The following TNIK variants were observed in gnomAD, a reference collection of about 807,000 sequenced individuals.
TNIK encodes TRAF2 and NCK interacting kinase, also known as TRAF2 and NCK-interacting protein kinase.
A neutral mutation model predicts 191.3 loss-of-function variants in TNIK; 49 were observed. The ratio of observed to expected loss-of-function variants is 0.26; its 90% CI spans 0.20 to 0.32. The LOEUF (loss-of-function observed/expected upper bound fraction) is 0.32, where lower values mean the gene tolerates loss of function less well. Ranked by LOEUF, TNIK falls within the 10% of genes least tolerant of loss-of-function variation. The probability of loss-of-function intolerance (pLI) is 1.00; values close to 1 mark genes in which losing one functional copy is unlikely to be tolerated. For synonymous variants in TNIK, 594 were observed against 600.9 expected (o/e 0.99, Z 0.17); for missense variants, 1,155 against 1,702.3 (o/e 0.68, Z 5.66).
intron 6 of TNIK, 101 bp from the exon 7 acceptor site, chr3:171,188,933 T>C: frequency 1.4e-6 from 2 of 1,414,800 alleles, no homozygotes; most frequent in Non-Finnish European, 1.9e-6. Flanking sequence ...ATAAGTAACA[T>C]AAAGTGTACA....
chr3:171,301,888 A>G (rs1051636530), intron 2 of TNIK, among the ~76,000 whole-genome samples: 1 of 152,204 alleles, frequency 6.6e-6, no homozygotes, highest in Non-Finnish European at 1.5e-5. Context: ...GCTGAAGTAC[A>G]TTGGGGTGAA....
intron 22 of TNIK, among the ~76,000 whole-genome samples, chr3:171,099,067 C>A (rs1352114370): frequency 6.6e-6 from 1 of 152,148 alleles, no homozygotes; most frequent in Non-Finnish European, 1.5e-5. Flanking sequence ...CATCAGCATT[C>A]CATGATAGCC....
At chr3:171,359,119 CTG>C (rs1352615557) in intron 2 of TNIK, among the ~76,000 whole-genome samples, 1 of 152,114 alleles carries the variant, frequency 6.6e-6, no homozygotes, top group African/African-American at 2.4e-5. Context: ...GGGGTAATTA[CTG>C]TATGTACGTT....
At chr3:171,107,341 C>A in intron 20 of TNIK, 135 bp from the exon 21 acceptor site, 4 of 745,098 alleles carry the variant, frequency 5.4e-6, no homozygotes, top group Non-Finnish European at 6.5e-6. Context: ...GAATGTCAAT[C>A]CAGAATGATG....
intron 3 of TNIK, among the ~76,000 whole-genome samples, chr3:171,213,876 C>T (rs1381672668): frequency 6.6e-6 from 1 of 151,956 alleles, no homozygotes; most frequent in Non-Finnish European, 1.5e-5. Flanking sequence ...TATTATAAGT[C>T]CCAGCATTTT....
intron 2 of TNIK, among the ~76,000 whole-genome samples, chr3:171,234,780 T>C: frequency 6.6e-6 from 1 of 152,206 alleles, no homozygotes; most frequent in Non-Finnish European, 1.5e-5. Flanking sequence ...GCCTAATGCC[T>C]GTACCCAGGA....
chr3:171,197,314 G>A (rs943991185), intron 4 of TNIK, among the ~76,000 whole-genome samples: 3 of 152,050 alleles, frequency 2.0e-5, no homozygotes, highest in Non-Finnish European at 4.4e-5. Context: ...AGAAACCATA[G>A]GGGTAACTCT....
intron 7 of TNIK, among the ~76,000 whole-genome samples, chr3:171,187,132 G>A (rs1376730519): frequency 1.3e-5 from 2 of 152,204 alleles, no homozygotes; most frequent in Non-Finnish European, 2.9e-5. Flanking sequence ...CTGTGGCCCA[G>A]ATGTAGACTA....
At chr3:171,077,080 C>G (rs544606065) in intron 28 of TNIK, among the ~76,000 whole-genome samples, 15 of 145,084 alleles carry the variant, frequency 1.0e-4, no homozygotes, top group East Asian at 4.4e-4. Flanking sequence ...TTCCCCCCCC[C>G]CTTTTTTTTT....
At chr3:171,219,343 T>A (rs1022605881) in intron 3 of TNIK, among the ~76,000 whole-genome samples, 1 of 146,058 alleles carries the variant, frequency 6.8e-6, no homozygotes, top group African/African-American at 2.5e-5. Context: ...TATATATCAT[T>A]TTATATATAA....
At chr3:171,408,158 T>A (rs992390535) in intron 1 of TNIK, among the ~76,000 whole-genome samples, 2 of 152,220 alleles carry the variant, frequency 1.3e-5, no homozygotes, top group Non-Finnish European at 2.9e-5. Context: ...ATCTCTCACA[T>A]AATGTTTATG....
chr3:171,406,216 C>T (rs1331927486), intron 1 of TNIK, among the ~76,000 whole-genome samples: 1 of 152,094 alleles, frequency 6.6e-6, no homozygotes, highest in African/African-American at 2.4e-5. Context: ...GTCCCTGTTG[C>T]CAGCACACAT....
At chr3:171,101,662 G>A (rs1178886040) in intron 21 of TNIK, 29 bp from the exon 22 acceptor site, 24 of 1,606,926 alleles carry the variant, frequency 1.5e-5, no homozygotes, top group Non-Finnish European at 1.9e-5. Context: ...TTCAGCATAT[G>A]AGTGGTAGAT....
intron 2 of TNIK, among the ~76,000 whole-genome samples, chr3:171,292,786 A>AAAG (rs1429849209): frequency 6.6e-6 from 1 of 151,350 alleles, no homozygotes; most frequent in Non-Finnish European, 1.5e-5. Flanking sequence ...AAAAAAAAAA[A>AAAG]AAAAAAAAAG....
intron 1 of TNIK, among the ~76,000 whole-genome samples, chr3:171,417,081 A>G (rs1167874019): frequency 1.3e-5 from 2 of 152,234 alleles, no homozygotes; most frequent in Admixed American, 6.5e-5. Flanking sequence ...TCTCTGTGCT[A>G]CAAAATGTAC....
At chr3:171,333,991 C>T (rs1339198816) in intron 2 of TNIK, among the ~76,000 whole-genome samples, 2 of 152,178 alleles carry the variant, frequency 1.3e-5, no homozygotes, top group African/African-American at 4.8e-5. Flanking sequence ...GTACCAGTGC[C>T]TTGTTTCTTC....
Position 171,101,433 on chromosome 3 carries a change from A to G in TNIK, c.2591+16T>C. ...TAGTCCCCTCCCGGTCTACACTTTA[A>G]AAGTAGTTCTCTTACATCAGTCTGG... On this transcript the variant is annotated intron_variant, in intron 22 of 32. Coordinates refer to ENST00000436636, the MANE Select transcript of TNIK (RefSeq NM_015028.4). 1 of 1,586,916 alleles carries G rather than the reference A, an allele frequency of 6.3e-7. No homozygotes were observed.
chr3:171,343,670 C>A (rs949102766), intron 2 of TNIK, among the ~76,000 whole-genome samples: 3 of 152,178 alleles, frequency 2.0e-5, no homozygotes, highest in Non-Finnish European at 4.4e-5. Flanking sequence ...GGTTTCCAGG[C>A]AGAGATTATT....
Position 171,077,647 on chromosome 3 carries a change from A to T in TNIK, c.3448+1871T>A, listed in dbSNP as rs977589072. Among the ~76,000 whole-genome samples, 4 of 152,230 alleles carry T rather than the reference A, an allele frequency of 2.6e-5. No individual in the cohort carries two copies. In the East Asian group the frequency reaches 5.8e-4, roughly 22 times the overall value. On this transcript the variant is annotated intron_variant, in intron 28 of 32. Coordinates refer to ENST00000436636, the MANE Select transcript of TNIK (RefSeq NM_015028.4). ...AACACCATCAGCTCTCCTGGTTCTC[A>T]GGCCTTCAGATTTGAACTGGACTTA... is the stretch of plus-strand genomic sequence containing the variant.
Sources: gnomAD v4.1 joint callset for allele counts (sites outside exome capture counted in the v4.1 genomes callset) on GRCh38, gnomAD v4.1.1 for gene constraint, MANE v1.5 for transcripts, NCBI Gene and HGNC (gene_info 2026-07-23, HGNC 2026-07-21) for gene names.